PCNT: variants seen among roughly 807,000 people sequenced by gnomAD.
The protein encoded by PCNT is pericentrin, also known as kendrin.
In PCNT, 319 loss-of-function variants were observed where a neutral mutation model predicts 380.4. The ratio of observed to expected loss-of-function variants is 0.84; its 90% CI spans 0.77 to 0.92. The LOEUF (loss-of-function observed/expected upper bound fraction) is 0.92. Ranked by LOEUF, PCNT falls within the 40% of genes least tolerant of loss-of-function variation. The pLI, the probability that PCNT is intolerant of heterozygous loss-of-function variation, is 0.00. For synonymous variants in PCNT, 1,845 were observed against 1,735.2 expected (o/e 1.06, Z -1.57); for missense variants, 4,400 against 4,255.3 (o/e 1.03, Z -0.95).
At chr21:46,383,995 C>T (rs1436680648) in intron 16 of PCNT, among the ~76,000 whole-genome samples, 3 of 144,984 alleles carry the variant, frequency 2.1e-5, no homozygotes, top group Non-Finnish European at 4.5e-5. Flanking sequence ...GTTGTATATT[C>T]AGTGGCGGAA....
At chr21:46,344,240 A>AT in intron 3 of PCNT, among the ~76,000 whole-genome samples, 1 of 151,552 alleles carries the variant, frequency 6.6e-6, no homozygotes, top group South Asian at 2.1e-4. Context: ...CGCCCAGCTA[A>AT]TTTTTTTGTA....
At chr21:46,327,349 G>A (rs764848402) in intron 2 of PCNT, among the ~76,000 whole-genome samples, 36 of 152,104 alleles carry the variant, frequency 2.4e-4, no homozygotes, top group Admixed American at 9.2e-4. Context: ...ATGAGCCACC[G>A]TGCCCGGCCT....
At chr21:46,349,650 T>C (rs1466088484) in intron 7 of PCNT, 34 bp from the exon 8 acceptor site, 4 of 1,609,732 alleles carry the variant, frequency 2.5e-6, no homozygotes, top group Non-Finnish European at 3.4e-6. Flanking sequence ...GAGTGATGTC[T>C]TGTAAACCAA....
intron 12 of PCNT, among the ~76,000 whole-genome samples, chr21:46,356,030 G>A (rs11491338): frequency 6.6e-6 from 1 of 152,246 alleles, no homozygotes; most frequent in Non-Finnish European, 1.5e-5. Flanking sequence ...GTCAGACTAA[G>A]GTTGTGGGAT....
chr21:46,332,534 A>T (rs2083591293), intron 2 of PCNT, among the ~76,000 whole-genome samples: 1 of 152,210 alleles, frequency 6.6e-6, no homozygotes, highest in South Asian at 2.1e-4. Flanking sequence ...GGTTCCTTTG[A>T]AGTGTGATCA....
At chr21:46,401,306 C>T (rs114116407) in intron 25 of PCNT, among the ~76,000 whole-genome samples, 5,460 of 152,196 alleles carry the variant, frequency 0.036, 150 homozygotes, top group Middle Eastern at 0.082. Context: ...TAGATAAATT[C>T]CTCACAGTGG....
At chr21:46,338,445 G>A (rs1481770374) in intron 3 of PCNT, among the ~76,000 whole-genome samples, 2 of 152,174 alleles carry the variant, frequency 1.3e-5, no homozygotes, top group African/African-American at 2.4e-5. Context: ...AGCAAAATGA[G>A]TTGAAGATTC....
At chr21:46,354,335 A>G (rs796079330) in intron 11 of PCNT, among the ~76,000 whole-genome samples, 43 of 152,348 alleles carry the variant, frequency 2.8e-4, no homozygotes, top group African/African-American at 9.6e-4. Flanking sequence ...TCCACCCTGC[A>G]GTGGGCTGCA....
At chr21:46,414,734 CCCT>C (rs775619425) in intron 29 of PCNT, among the ~76,000 whole-genome samples, 68 of 40,824 alleles carry the variant, frequency 1.7e-3, no homozygotes, top group East Asian at 4.3e-3. Flanking sequence ...CAGCTGCCCA[CCCT>C]CCTCCTCCTG....
intron 22 of PCNT, 90 bp from the exon 23 acceptor site, chr21:46,397,924 G>A: frequency 2.2e-6 from 2 of 922,048 alleles, no homozygotes; most frequent in Admixed American, 4.0e-5. Flanking sequence ...AGTTGCACTT[G>A]TACGTGCAGT....
chr21:46,331,520 A>G (rs187419514), intron 2 of PCNT, among the ~76,000 whole-genome samples: 19 of 152,356 alleles, frequency 1.2e-4, no homozygotes, highest in African/African-American at 4.1e-4. Context: ...TAACTCAGAA[A>G]TGGCAGAAAG....
At chr21:46,396,600 TTTTATTTA>T (rs926744498) in intron 21 of PCNT, among the ~76,000 whole-genome samples, 1 of 152,102 alleles carries the variant, frequency 6.6e-6, no homozygotes, top group African/African-American at 2.4e-5. Context: ...ACCCAGTTAA[TTTTATTTA>T]TTTATTTATT....
intron 15 of PCNT, among the ~76,000 whole-genome samples, chr21:46,373,560 T>C (rs1440977463): frequency 6.7e-6 from 1 of 148,412 alleles, no homozygotes; most frequent in African/African-American, 2.5e-5. Context: ...GCCTCCCAAG[T>C]AGCTGGGACT....
At chr21:46,365,232 C>T (rs1437427821) in intron 14 of PCNT, among the ~76,000 whole-genome samples, 9 of 150,836 alleles carry the variant, frequency 6.0e-5, no homozygotes, top group East Asian at 2.0e-4. Flanking sequence ...TGTTCACTGC[C>T]GTGGGGTTCT....
At chr21:46,420,156 GAC>G (rs2087191378) in intron 31 of PCNT, among the ~76,000 whole-genome samples, 1 of 152,086 alleles carries the variant, frequency 6.6e-6, no homozygotes. Flanking sequence ...GCCCTCCAGT[GAC>G]ACGCGACCTT....
chr21:46,433,994 C>T (rs952162619), intron 38 of PCNT, among the ~76,000 whole-genome samples: 1 of 152,166 alleles, frequency 6.6e-6, no homozygotes, highest in African/African-American at 2.4e-5. Context: ...TCAGGCTGGT[C>T]TTGAACTCCT....
rs749399410 is a variant in PCNT at position 46,346,962 on chromosome 21, A to G, written c.940A>G (p.Lys314Glu). The stretch of plus-strand genomic sequence containing the variant: ...CCTCAGGGAGCAGCACGCACGGGAG[A>G]AGGAGGAGGTGGTGCTCAGGTGTGG... ...ELLREQHAREKEEVVLRCGQE... is the reference protein window; with the variant it reads ...ELLREQHAREEEEVVLRCGQE... The change falls in exon 5 of 47, where the codon AAG becomes GAG. Residue 314 changes from lysine to glutamate, a missense_variant. Lys to Glu is a moderately conservative substitution (Grantham distance 56). Transcript: ENST00000359568. 44 of 1,596,438 alleles carry G rather than the reference A, an allele frequency of 2.8e-5. No homozygotes were observed. Among genetic ancestry groups the G allele is most frequent in the South Asian group, 9.1e-5 (8 of 87,868 alleles).
chr21:46,415,538 C>T (rs988410325), intron 29 of PCNT, among the ~76,000 whole-genome samples: 8 of 151,956 alleles, frequency 5.3e-5, no homozygotes, highest in Middle Eastern at 3.2e-3. Context: ...GCACCCGCCA[C>T]CATGCCTGGC....
At chr21:46,413,280 CGCG>C in intron 29 of PCNT, among the ~76,000 whole-genome samples, 1 of 110,316 alleles carries the variant, frequency 9.1e-6, no homozygotes, top group African/African-American at 4.6e-5. Flanking sequence ...AGGCTGGACA[CGCG>C]GCAGCAAGGT....
Sources: gnomAD v4.1 joint callset for allele counts (sites outside exome capture counted in the v4.1 genomes callset) on GRCh38, gnomAD v4.1.1 for gene constraint, MANE v1.5 for transcripts, NCBI Gene and HGNC (gene_info 2026-07-23, HGNC 2026-07-21) for gene names.